Variants in HLTF observed in about 807,000 individuals in gnomAD.
HLTF encodes DNA-dependent ATPase/E3 ubiquitin-protein ligase HLTF.
A neutral mutation model predicts 129.4 loss-of-function variants in HLTF; 127 were observed. That is an observed-to-expected ratio of 0.98 (90% CI 0.85 to 1.14). HLTF has a LOEUF of 1.14. Ranked by LOEUF, HLTF falls within the 50% of genes most tolerant of loss-of-function variation. The pLI is 0.00. For synonymous variants in HLTF, 332 were observed against 388.8 expected (o/e 0.85, Z 1.72); for missense variants, 1,139 against 1,187.1 (o/e 0.96, Z 0.60).
intron 8 of HLTF, among the ~76,000 whole-genome samples, chr3:149,065,519 T>C (rs1252119415): frequency 2.0e-5 from 3 of 152,182 alleles, no homozygotes; most frequent in Non-Finnish European, 2.9e-5. Context: ...AAAAGGTTCA[T>C]CCTCTTTAAA....
At chr3:149,055,712 T>C (rs546591020) in intron 13 of HLTF, among the ~76,000 whole-genome samples, 1 of 152,340 alleles carries the variant, frequency 6.6e-6, no homozygotes, top group Non-Finnish European at 1.5e-5. Context: ...TGAATTTGTG[T>C]TATATTTAAT....
At chr3:149,038,399 A>T (rs1226936776) in intron 23 of HLTF, among the ~76,000 whole-genome samples, 5 of 152,262 alleles carry the variant, frequency 3.3e-5, no homozygotes, top group Non-Finnish European at 7.3e-5. Context: ...AAATATTTAC[A>T]TGGACTATGA....
intron 17 of HLTF, among the ~76,000 whole-genome samples, chr3:149,046,795 G>A (rs1716580744): frequency 6.6e-6 from 1 of 152,068 alleles, no homozygotes; most frequent in Non-Finnish European, 1.5e-5. Flanking sequence ...TGCTTTACAG[G>A]TTCCACAATC....
At chr3:149,066,606 A>T (rs1052042233) in intron 8 of HLTF, among the ~76,000 whole-genome samples, 15 of 152,074 alleles carry the variant, frequency 9.9e-5, no homozygotes, top group African/African-American at 3.6e-4. Flanking sequence ...TAGCAACCCA[A>T]ATATTCTAAA....
chr3:149,047,059 T>C (rs1003265274), intron 17 of HLTF, among the ~76,000 whole-genome samples: 2 of 152,190 alleles, frequency 1.3e-5, no homozygotes, highest in Middle Eastern at 3.2e-3. Flanking sequence ...ATACTTACTA[T>C]GTATCATGCA....
chr3:149,059,184 T>A (rs558370704), intron 13 of HLTF, among the ~76,000 whole-genome samples: 1 of 151,470 alleles, frequency 6.6e-6, no homozygotes, highest in East Asian at 1.9e-4. Flanking sequence ...GCCTGCTATA[T>A]CCCCAACATG....
intron 8 of HLTF, among the ~76,000 whole-genome samples, chr3:149,065,726 A>G (rs1718316858): frequency 6.6e-6 from 1 of 152,134 alleles, no homozygotes; most frequent in Non-Finnish European, 1.5e-5. Flanking sequence ...GCTACTTGGG[A>G]GGCTGAGGCA....
chr3:149,076,921 C>T lies in HLTF; in HGVS notation c.229-874G>A, dbSNP rs191991066. ...ATAAAAAGAATAAACAGCTGAATAT[C>T]AGTACTTCAGTCCCATCCCCAGCAA... is the stretch of plus-strand genomic sequence containing the variant. On this transcript the variant is annotated intron_variant, in intron 2 of 24. Transcript: ENST00000310053. Among the ~76,000 whole-genome samples, 100 of 152,208 alleles carry T rather than the reference C, an allele frequency of 6.6e-4. 1 individual carries two copies. Among genetic ancestry groups the T allele is most frequent in the African/African-American group, 2.3e-3 (96 of 41,526 alleles).
intron 18 of HLTF, among the ~76,000 whole-genome samples, chr3:149,043,738 G>C (rs2107972736): frequency 6.6e-6 from 1 of 152,254 alleles, no homozygotes; most frequent in Non-Finnish European, 1.5e-5. Flanking sequence ...CAAATTTTTA[G>C]AGCTAGCTGG....
intron 17 of HLTF, among the ~76,000 whole-genome samples, chr3:149,046,923 T>C (rs1716591453): frequency 6.6e-6 from 1 of 152,188 alleles, no homozygotes; most frequent in African/African-American, 2.4e-5. Context: ...AGGAATCAAG[T>C]GGATAGTACT....
chr3:149,060,890 G>C lies in HLTF; in HGVS notation c.1161-32C>G, dbSNP rs779229334. The stretch of plus-strand genomic sequence containing the variant: ...TTAAGTATACACAAAGAAATTTTTG[G>C]ACCAACCCAAAGCAAAATAAGATAT... On this transcript the variant is annotated intron_variant, in intron 10 of 24. Coordinates refer to ENST00000310053, the MANE Select transcript of HLTF (RefSeq NM_003071.4). The C allele has an allele frequency of 7.6e-6, 11 of 1,454,228 alleles. No individual in the cohort carries two copies. In the Admixed American group the frequency reaches 1.7e-4, roughly 22 times the overall value. 90.1% of individuals were successfully genotyped at this position (1,454,228 alleles called of 1,614,324 possible).
intron 18 of HLTF, among the ~76,000 whole-genome samples, chr3:149,045,057 C>G (rs1716428822): frequency 6.6e-6 from 1 of 152,098 alleles, no homozygotes; most frequent in Admixed American, 6.6e-5. Flanking sequence ...AAAGTAAAAG[C>G]CAAAGTCCTT....
rs549653517 is a variant in HLTF, at chr3:149,050,947, G to A, written c.1474-572C>T. On this transcript the variant is annotated intron_variant, in intron 14 of 24. Coordinates refer to ENST00000310053, the MANE Select transcript of HLTF (RefSeq NM_003071.4). ...ATTTTTTTAATCATGAAAAAAACCAGACCTAGAAGATTTTCAGCAGAAAAA... is the reference window on the plus strand; with the variant it reads ...ATTTTTTTAATCATGAAAAAAACCAAACCTAGAAGATTTTCAGCAGAAAAA... 5.9e-5 allele frequency among the ~76,000 whole-genome samples: 9 copies of A among 152,024 alleles called. 1 individual carries two copies. Among genetic ancestry groups the A allele is most frequent in the African/African-American group, 2.2e-4 (9 of 41,490 alleles).
intron 18 of HLTF, among the ~76,000 whole-genome samples, chr3:149,044,074 G>T (rs1409862482): frequency 6.6e-6 from 1 of 152,060 alleles, no homozygotes; most frequent in Non-Finnish European, 1.5e-5. Flanking sequence ...GAGTTAATCT[G>T]TCCTGTCACT....
intron 10 of HLTF, among the ~76,000 whole-genome samples, chr3:149,061,606 T>A (rs1264568310): frequency 1.3e-5 from 2 of 150,454 alleles, no homozygotes; most frequent in African/African-American, 4.9e-5. Flanking sequence ...GAGGCGGAGG[T>A]GGGCAGATCA....
chr3:149,035,633 T>C (rs1246472515), intron 23 of HLTF, among the ~76,000 whole-genome samples: 1 of 107,816 alleles, frequency 9.3e-6, no homozygotes, highest in Non-Finnish European at 1.7e-5. Flanking sequence ...CACTCCAGAC[T>C]GGGCGACAGC....
intron 20 of HLTF, 86 bp downstream of exon 20, chr3:149,041,403 CA>C: frequency 2.5e-6 from 2 of 794,534 alleles, no homozygotes; most frequent in Non-Finnish European, 1.8e-6. Flanking sequence ...AATCCAAGTG[CA>C]AAACTCCATA....
At chr3:149,056,542 A>G (rs750170119) in intron 13 of HLTF, among the ~76,000 whole-genome samples, 2 of 152,186 alleles carry the variant, frequency 1.3e-5, no homozygotes, top group East Asian at 1.9e-4. Flanking sequence ...TCTCAGTGCT[A>G]TCTACAGTAG....
intron 6 of HLTF, 32 bp downstream of exon 6, chr3:149,071,551 G>C: frequency 1.3e-6 from 2 of 1,489,366 alleles, no homozygotes; most frequent in African/African-American, 2.8e-5. Flanking sequence ...AACATTCTGA[G>C]TAGTCTTAAA....
Sources: allele counts gnomAD v4.1 joint callset (sites outside exome capture counted in the v4.1 genomes callset), GRCh38; gene constraint gnomAD v4.1.1; transcripts MANE v1.5; gene names NCBI Gene and HGNC (gene_info 2026-07-23, HGNC 2026-07-21).